Variants in DPP6 observed in about 807,000 individuals in gnomAD.
The protein encoded by DPP6 is A-type potassium channel modulatory protein DPP6.
In DPP6, 69 loss-of-function variants were observed where a neutral mutation model predicts 122.6. The observed-to-expected ratio is 0.56, with a 90% CI of 0.46 to 0.69. The LOEUF is 0.69. Ranked by LOEUF, DPP6 falls within the 30% of genes least tolerant of loss-of-function variation. DPP6 has a pLI of 0.00. For synonymous variants in DPP6, 418 were observed against 433.1 expected (o/e 0.97, Z 0.43); for missense variants, 928 against 1,116.9 (o/e 0.83, Z 2.41).
chr7:154,683,533 T>A (rs1182886615), intron 7 of DPP6, among the ~76,000 whole-genome samples: 2 of 152,214 alleles, frequency 1.3e-5, no homozygotes, highest in African/African-American at 4.8e-5. Context: ...CTGTAACAGC[T>A]GCCTTCTTGG....
At chr7:154,885,466 T>G (rs1457739221) in intron 21 of DPP6, 167 bp from the exon 22 acceptor site, 5 of 946,330 alleles carry the variant, frequency 5.3e-6, no homozygotes, top group Non-Finnish European at 6.1e-6. Flanking sequence ...GAGTTTGCTT[T>G]TCATCTCTTG....
chr7:154,398,453 G>A (rs1443958696), intron 1 of DPP6, among the ~76,000 whole-genome samples: 2 of 152,126 alleles, frequency 1.3e-5, no homozygotes, highest in Admixed American at 1.3e-4. Flanking sequence ...TTGTTCATTT[G>A]CACATCAAAG....
At chr7:154,164,771 C>A (rs1563266699) in intron 1 of DPP6, among the ~76,000 whole-genome samples, 1 of 152,160 alleles carries the variant, frequency 6.6e-6, no homozygotes, top group Non-Finnish European at 1.5e-5. Context: ...CAAGATTCAT[C>A]TGTGTTACAG....
intron 5 of DPP6, among the ~76,000 whole-genome samples, chr7:154,625,660 A>G (rs1028640548): frequency 1.3e-5 from 2 of 152,214 alleles, no homozygotes; most frequent in African/African-American, 2.4e-5. Context: ...CAGGGGGCTG[A>G]CAGGTGAAAT....
intron 16 of DPP6, among the ~76,000 whole-genome samples, chr7:154,846,292 C>A (rs1801940453): frequency 6.6e-6 from 1 of 151,552 alleles, no homozygotes; most frequent in Non-Finnish European, 1.5e-5. Context: ...CATTTATATT[C>A]TTTTCTCCCC....
intron 1 of DPP6, among the ~76,000 whole-genome samples, chr7:154,245,609 C>A: frequency 7.9e-6 from 1 of 126,318 alleles, no homozygotes. Context: ...GCACTCCAGG[C>A]CTGGGCAACA....
intron 3 of DPP6, among the ~76,000 whole-genome samples, chr7:154,500,670 C>A (rs1318657126): frequency 1.3e-5 from 2 of 152,206 alleles, no homozygotes; most frequent in Admixed American, 6.5e-5. Flanking sequence ...GCCTCCCCAG[C>A]CACGTGGAAC....
the DPP6 span, among the ~76,000 whole-genome samples, chr7:153,861,840 T>C: frequency 1.3e-5 from 2 of 152,222 alleles, no homozygotes; most frequent in Admixed American, 6.5e-5. Context: ...AGCTCCTCAA[T>C]GTAGACAGAT....
chr7:153,841,926 T>C, the DPP6 span, among the ~76,000 whole-genome samples: 1 of 152,236 alleles, frequency 6.6e-6, no homozygotes, highest in Admixed American at 6.5e-5. Flanking sequence ...AACTGTGTCA[T>C]TCTTCGTTTC....
chr7:153,749,344 G>A, the DPP6 span, among the ~76,000 whole-genome samples: 6,896 of 151,494 alleles, frequency 0.046, no homozygotes, highest in African/African-American at 0.16. The surrounding 1 kb of genome is among the most constrained non-coding windows in gnomAD (Gnocchi z 4.1). Context: ...TTCGGGAGAA[G>A]AGGTCGGCGT....
chr7:154,853,693 G>A (rs1802585136), intron 16 of DPP6, 87 bp from the exon 17 acceptor site: 1 of 1,540,602 alleles, frequency 6.5e-7, no homozygotes, highest in Non-Finnish European at 8.8e-7. Context: ...CTATCTACGT[G>A]GCATAAGAAA....
intron 12 of DPP6, among the ~76,000 whole-genome samples, chr7:154,798,867 T>C (rs780196177): frequency 2.0e-5 from 3 of 152,258 alleles, no homozygotes; most frequent in Non-Finnish European, 4.4e-5. Flanking sequence ...TACTGTGATA[T>C]CCTGGAGAAC....
At chr7:153,985,085 T>G (rs1233465082) in intron 1 of DPP6, among the ~76,000 whole-genome samples, 1 of 152,236 alleles carries the variant, frequency 6.6e-6, no homozygotes, top group Non-Finnish European at 1.5e-5. Context: ...AGGTCCCTGC[T>G]CGCAGTGCTG....
chr7:154,596,870 A>G (rs1399464563), intron 5 of DPP6, among the ~76,000 whole-genome samples: 4 of 151,022 alleles, frequency 2.6e-5, no homozygotes, highest in African/African-American at 7.3e-5. Context: ...GAATTATTGT[A>G]TTGGTCCATT....
chr7:154,891,554 G>A (rs755377845), intron 25 of DPP6, among the ~76,000 whole-genome samples: 2 of 152,148 alleles, frequency 1.3e-5, no homozygotes, highest in African/African-American at 4.8e-5. Context: ...AATCTGTGGG[G>A]TGGGCCCGTG....
chr7:154,149,822 A>C (rs1395295940), intron 1 of DPP6, among the ~76,000 whole-genome samples: 1 of 152,052 alleles, frequency 6.6e-6, no homozygotes, highest in African/African-American at 2.4e-5. Flanking sequence ...GGGATTGTGG[A>C]CACTCCCCAC....
intron 1 of DPP6, among the ~76,000 whole-genome samples, chr7:154,360,566 T>G (rs894331123): frequency 6.6e-6 from 1 of 152,234 alleles, no homozygotes; most frequent in Non-Finnish European, 1.5e-5. Flanking sequence ...GATTTAGTGC[T>G]GTCCAGCAAA....
intron 1 of DPP6, among the ~76,000 whole-genome samples, chr7:154,277,435 A>G (rs1804215641): frequency 6.6e-6 from 1 of 152,236 alleles, no homozygotes; most frequent in African/African-American, 2.4e-5. Flanking sequence ...TTAGCTTGGG[A>G]AGATCTGCCT....
intron 1 of DPP6, among the ~76,000 whole-genome samples, chr7:154,303,404 A>AGC (rs1806042334): frequency 1.3e-5 from 2 of 152,036 alleles, no homozygotes; most frequent in African/African-American, 4.8e-5. Flanking sequence ...TGGTGACCTT[A>AGC]CACCGCAGTG....
Sources: gnomAD v4.1 joint callset for allele counts (sites outside exome capture counted in the v4.1 genomes callset) on GRCh38, gnomAD v4.1.1 for gene constraint, Gnocchi (gnomAD v3.1) non-coding constraint, MANE v1.5 for transcripts, NCBI Gene and HGNC (gene_info 2026-07-23, HGNC 2026-07-21) for gene names.